The following CRKL variants were observed in gnomAD, a reference collection of about 807,000 sequenced individuals.
The protein encoded by CRKL is crk-like protein.
A neutral mutation model predicts 23.0 loss-of-function variants in CRKL; 3 were observed. That is an observed-to-expected ratio of 0.13 (90% CI 0.06 to 0.34). The LOEUF is 0.34. CRKL is among the 10% of genes least tolerant of loss of function. The pLI, the probability that CRKL is intolerant of heterozygous loss-of-function variation, is 1.00. For missense variants in CRKL, 256 were observed against 394.5 expected (o/e 0.65, Z 2.97); for synonymous variants, 188 against 160.7 (o/e 1.17, Z -1.28).
intron 1 of CRKL, among the ~76,000 whole-genome samples, chr22:20,928,067 G>A (rs1422575467): frequency 6.6e-6 from 1 of 151,940 alleles, no homozygotes; most frequent in Non-Finnish European, 1.5e-5. Flanking sequence ...TTAGGCACAA[G>A]AATAGCTTGA....
intron 1 of CRKL, among the ~76,000 whole-genome samples, chr22:20,923,972 A>G (rs1921095051): frequency 6.6e-6 from 1 of 152,020 alleles, no homozygotes; most frequent in African/African-American, 2.4e-5. Flanking sequence ...GGATCGCTAG[A>G]TCCCAGGAGT....
intron 2 of CRKL, among the ~76,000 whole-genome samples, chr22:20,949,072 T>G (rs530656553): frequency 1.3e-5 from 2 of 152,222 alleles, no homozygotes; most frequent in East Asian, 3.9e-4. Context: ...AGAAGGTTGG[T>G]GTGGGGTGGG....
intron 2 of CRKL, among the ~76,000 whole-genome samples, chr22:20,936,315 A>G (rs139390517): frequency 4.3e-4 from 66 of 152,240 alleles, no homozygotes; most frequent in African/African-American, 7.2e-4. Flanking sequence ...GTATTTTTCC[A>G]TAGGTTGTCC....
At chr22:20,928,262 G>T (rs112385884) in intron 1 of CRKL, among the ~76,000 whole-genome samples, 51 of 151,908 alleles carry the variant, frequency 3.4e-4, no homozygotes, top group African/African-American at 1.2e-3. Flanking sequence ...TTCAAGACCA[G>T]CCTGGGCAAC....
chr22:20,939,949 C>G (rs1921809692), intron 2 of CRKL, among the ~76,000 whole-genome samples: 1 of 152,000 alleles, frequency 6.6e-6, no homozygotes, highest in African/African-American at 2.4e-5. Flanking sequence ...CCAACCGCGC[C>G]TGGCTAATTT....
rs1261004828 is a variant in CRKL, at chr22:20,950,466, T to G, written c.*621T>G. 4.3e-6 allele frequency: 1 copy of G among 232,238 alleles called. No homozygotes were observed. Among genetic ancestry groups the G allele is most frequent in the Non-Finnish European group, 8.5e-6 (1 of 117,576 alleles). The allele number at this position is 232,238 out of a possible 1,614,324, so 14.4% of individuals were successfully genotyped here. The stretch of plus-strand genomic sequence containing the variant: ...TCTCGCTGCATCACCCAGGCTGGAG[T>G]GCAGTGGCGCAATCTCGCCTTCCTG... On this transcript the variant is annotated 3_prime_UTR_variant, in exon 3 of 3. Coordinates refer to ENST00000354336, the MANE Select transcript of CRKL (RefSeq NM_005207.4).
rs563904716 is a variant in CRKL, at chr22:20,925,407, G to A, written c.311+7162G>A. Among the ~76,000 whole-genome samples, 76 of 152,252 alleles carry A rather than the reference G, an allele frequency of 5.0e-4. 1 individual carries two copies. Among genetic ancestry groups the A allele is most frequent in the Non-Finnish European group, 1.0e-3 (69 of 68,026 alleles). ...TAATCCCAGCACTTTGGGAGGTCTGGCAGGTCGGGAGTTCGAGACTGAACC... is the reference window on the plus strand; with the variant it reads ...TAATCCCAGCACTTTGGGAGGTCTGACAGGTCGGGAGTTCGAGACTGAACC... On this transcript the variant is annotated intron_variant, in intron 1 of 2. Coordinates refer to ENST00000354336, the MANE Select transcript of CRKL (RefSeq NM_005207.4).
chr22:20,923,578 T>C (rs1921072086), intron 1 of CRKL, among the ~76,000 whole-genome samples: 1 of 35,418 alleles, frequency 2.8e-5, no homozygotes, highest in African/African-American at 1.4e-4. Flanking sequence ...CGCCTGGCAT[T>C]TTTTTTTTTT....
rs549808796 is a variant in CRKL, at chr22:20,921,737, C to T, written c.311+3492C>T. Among the ~76,000 whole-genome samples the T allele has an allele frequency of 4.6e-5, 7 of 150,650 alleles. No homozygotes were observed. In the South Asian group the frequency reaches 1.3e-3, roughly 27 times the overall value. Reference sequence around the variant, plus strand: ...TTTTTTCTTTTTTTTTTTCTTGAGACGGAGTCTTGCTCTGTCGCCCAGGCT... The same window carrying T: ...TTTTTTCTTTTTTTTTTTCTTGAGATGGAGTCTTGCTCTGTCGCCCAGGCT... On this transcript the variant is annotated intron_variant, in intron 1 of 2. Transcript: ENST00000354336.
chr22:20,943,172 GATAA>G, intron 2 of CRKL, among the ~76,000 whole-genome samples: 1 of 152,236 alleles, frequency 6.6e-6, no homozygotes, highest in Middle Eastern at 3.4e-3. Context: ...CAAATCTTTG[GATAA>G]ATATTTTCAA....
At chr22:20,918,303 G>T (rs1050013714) in intron 1 of CRKL, 58 bp downstream of exon 1, 86 of 1,569,394 alleles carry the variant, frequency 5.5e-5, no homozygotes, top group Non-Finnish European at 7.1e-5. Flanking sequence ...CTGTCGAAGA[G>T]TGCTTGTATA....
At chr22:20,945,759 C>G (rs1295061692) in intron 2 of CRKL, among the ~76,000 whole-genome samples, 1 of 152,172 alleles carries the variant, frequency 6.6e-6, no homozygotes, top group African/African-American at 2.4e-5. Flanking sequence ...CAGGGGCAGG[C>G]AGTGGACCCA....
At chr22:20,931,216 G>C (rs536641630) in intron 1 of CRKL, among the ~76,000 whole-genome samples, 1 of 152,124 alleles carries the variant, frequency 6.6e-6, no homozygotes, top group Non-Finnish European at 1.5e-5. Flanking sequence ...GACAAGCCCT[G>C]AAAACATAGT....
intron 2 of CRKL, among the ~76,000 whole-genome samples, chr22:20,949,287 G>A (rs914825440): frequency 1.3e-5 from 2 of 151,990 alleles, no homozygotes; most frequent in Non-Finnish European, 2.9e-5. Flanking sequence ...CACCACACCC[G>A]GCTAATTTTT....
intron 1 of CRKL, among the ~76,000 whole-genome samples, chr22:20,920,225 G>A (rs1920976287): frequency 1.3e-5 from 2 of 152,126 alleles, no homozygotes; most frequent in African/African-American, 4.8e-5. Context: ...GTTAATGGGC[G>A]GGTGTGGTAG....
chr22:20,918,226 C>G lies in CRKL; in HGVS notation c.292C>G (p.Leu98Val), dbSNP rs2147892088. 6.2e-7 allele frequency: 1 copy of G among 1,613,918 alleles called. No individual in the cohort carries two copies. Among genetic ancestry groups the G allele is most frequent in the Non-Finnish European group, 8.5e-7 (1 of 1,180,004 alleles). ...YKIHYLDTTT[L>V]IEPAPRYPSP... Reference sequence around the variant, plus strand: ...GATCCACTACCTGGACACCACCACCCTCATCGAGCCTGCGCCCAGGTACGC... The same window carrying G: ...GATCCACTACCTGGACACCACCACCGTCATCGAGCCTGCGCCCAGGTACGC... The change falls in exon 1 of 3, where the codon CTC (leucine) becomes GTC (valine). Residue 98 changes from leucine (L) to valine (V), a missense_variant. Physicochemically the swap from Leu to Val is conservative, Grantham distance 32 (BLOSUM62 1). Transcript: ENST00000354336.
In CRKL at chr22:20,934,081, A is replaced by C. The variant is rs976691655; in HGVS notation, c.614A>C (p.His205Pro). 1 of 1,614,192 alleles carries C rather than the reference A, an allele frequency of 6.2e-7. No individual in the cohort carries two copies. Among genetic ancestry groups the C allele is most frequent in the Non-Finnish European group, 8.5e-7 (1 of 1,180,034 alleles). The change falls in exon 2 of 3, where the codon CAT becomes CCT. Residue 205 changes from histidine to proline, a missense_variant. This residue lies in a region of CRKL where 129 missense variants were observed against 222.1 expected (regional missense o/e 0.58). Coordinates refer to ENST00000354336, the MANE Select transcript of CRKL (RefSeq NM_005207.4). Reference sequence around the variant, plus strand: ...AGTTATGGGATCCCAGAACCTGCTCATGCATACGCTCAACCTCAGACCACA... The same window carrying C: ...AGTTATGGGATCCCAGAACCTGCTCCTGCATACGCTCAACCTCAGACCACA... ...SNSYGIPEPA[H>P]AYAQPQTTTP...
chr22:20,923,315 C>T (rs1382025469), intron 1 of CRKL, among the ~76,000 whole-genome samples: 6 of 150,562 alleles, frequency 4.0e-5, no homozygotes, highest in Admixed American at 1.3e-4. Flanking sequence ...CTTGTTCTGT[C>T]GCCCAGGCTG....
intron 2 of CRKL, among the ~76,000 whole-genome samples, chr22:20,937,585 A>C (rs1921710884): frequency 6.6e-6 from 1 of 151,166 alleles, no homozygotes; most frequent in Admixed American, 6.6e-5. Context: ...TAGGTGCCTG[A>C]GAGAGGTCAG....
Sources: allele counts gnomAD v4.1 joint callset (sites outside exome capture counted in the v4.1 genomes callset), GRCh38; gene constraint gnomAD v4.1.1; regional missense constraint gnomAD v4.1.1; transcripts MANE v1.5; gene names NCBI Gene and HGNC (gene_info 2026-07-23, HGNC 2026-07-21).